Variants in RAB22A observed in about 807,000 individuals in gnomAD.
The protein encoded by RAB22A is RAB22A, member RAS oncogene family.
RAB22A carries 13 observed loss-of-function variants against 30.2 expected under a neutral mutation model. That is an observed-to-expected ratio of 0.43 (90% confidence interval 0.28 to 0.68). The LOEUF is 0.68. RAB22A is among the 30% of genes least tolerant of loss of function. RAB22A has a pLI of 0.18. For missense variants in RAB22A, 177 were observed against 246.8 expected, an observed-to-expected ratio of 0.72 and a Z score of 1.89; for synonymous variants, 89 against 87.2, an observed-to-expected ratio of 1.02 and a Z score of -0.11.
intron 2 of RAB22A, among the ~76,000 whole-genome samples, chr20:58,340,476 T>TC (rs1343082651): frequency 1.3e-5 from 2 of 152,190 alleles, no homozygotes; most frequent in Non-Finnish European, 2.9e-5. Flanking sequence ...ACTTCTCACT[T>TC]CATGCTTCAG....
chr20:58,311,232 C>G (rs1322893673), intron 2 of RAB22A, 110 bp downstream of exon 2: 2 of 1,013,840 alleles, frequency 2.0e-6, no homozygotes, highest in Non-Finnish European at 3.1e-6. Context: ...AATTCTGAGT[C>G]GCTGGTTCGC....
In RAB22A at chr20:58,364,647, C is replaced by T. The variant is rs1251834332; in HGVS notation, c.*4944C>T. 6.6e-6 allele frequency: 1 copy of T among 151,530 alleles called. No homozygotes were observed. The highest frequency in any genetic ancestry group is 2.4e-5 in the African/African-American group (1 of 41,244). The allele number at this position is 151,530 out of a possible 1,614,324, so 9.4% of individuals were successfully genotyped here. ...TCCACAAAATGCATCATAATTGAAACAACAAAATTATTTTCATGAGCAAGA... is the reference window on the plus strand; with the variant it reads ...TCCACAAAATGCATCATAATTGAAATAACAAAATTATTTTCATGAGCAAGA... On this transcript the variant is annotated 3_prime_UTR_variant, in exon 7 of 7. Coordinates refer to ENST00000244040, the MANE Select transcript of RAB22A (RefSeq NM_020673.3).
intron 6 of RAB22A, among the ~76,000 whole-genome samples, chr20:58,355,717 G>A (rs1415139557): frequency 6.6e-6 from 1 of 152,134 alleles, no homozygotes; most frequent in African/African-American, 2.4e-5. Context: ...CCAGCCACTC[G>A]GGAAGCTGAG....
chr20:58,330,641 C>T (rs1251277981), intron 2 of RAB22A, among the ~76,000 whole-genome samples: 4 of 152,198 alleles, frequency 2.6e-5, no homozygotes, highest in Admixed American at 2.6e-4. Flanking sequence ...TTCATCTTAA[C>T]ACTTTGTTCA....
Position 58,365,375 on chromosome 20 carries a change from C to G in RAB22A, c.*5672C>G, listed in dbSNP as rs1476149294. ...CACTGGCATGAGTAGTCCCTGTGCC[C>G]ATGCCCATGGTGGTGCTTGACTTTG... On this transcript the variant is annotated 3_prime_UTR_variant, in exon 7 of 7. Coordinates refer to ENST00000244040, the MANE Select transcript of RAB22A (RefSeq NM_020673.3). 1.3e-5 allele frequency: 2 copies of G among 152,244 alleles called. No individual in the cohort carries two copies. The highest frequency in any genetic ancestry group is 2.9e-5 in the Non-Finnish European group (2 of 68,064). The allele number at this position is 152,244 out of a possible 1,614,324, so 9.4% of individuals were successfully genotyped here.
At chr20:58,336,633 T>C (rs755949429) in intron 2 of RAB22A, among the ~76,000 whole-genome samples, 1 of 152,218 alleles carries the variant, frequency 6.6e-6, no homozygotes, top group African/African-American at 2.4e-5. Flanking sequence ...TTTTGAAATA[T>C]TCAGTAGTAA....
chr20:58,330,503 A>G (rs1986644463), intron 2 of RAB22A, among the ~76,000 whole-genome samples: 1 of 150,248 alleles, frequency 6.7e-6, no homozygotes, highest in African/African-American at 2.5e-5. Context: ...GTAGTTTTTT[A>G]TATTGTACTG....
rs1282500520 is a variant in RAB22A at position 58,324,909 on chromosome 20, C to A, written c.116+13787C>A. Among the ~76,000 whole-genome samples the A allele has an allele frequency of 2.8e-5, 4 of 140,878 alleles. No homozygotes were observed. In the East Asian group the frequency reaches 8.2e-4, roughly 29 times the overall value. The allele number at this position is 140,878 out of a possible 152,430, so 92.4% of individuals were successfully genotyped here. ...AAAAACTGTACGCCAGGCCCGGTGG[C>A]TCACACCTGTAATCCCAGCACTTTG... is the stretch of plus-strand genomic sequence containing the variant. On this transcript the variant is annotated intron_variant, in intron 2 of 6. Coordinates refer to ENST00000244040, the MANE Select transcript of RAB22A (RefSeq NM_020673.3).
intron 3 of RAB22A, 114 bp from the exon 4 acceptor site, chr20:58,353,159 C>CT (rs146846981): frequency 0.028 from 27,596 of 994,758 alleles, 1,025 homozygotes; most frequent in African/African-American, 0.15. Context: ...ATGTCATTTT[C>CT]TTGGCTTAAG....
chr20:58,311,588 G>GT (rs1463047622), intron 2 of RAB22A, among the ~76,000 whole-genome samples: 2 of 152,128 alleles, frequency 1.3e-5, no homozygotes, highest in Admixed American at 1.3e-4. Context: ...GAAATGGAAG[G>GT]TTTTTTCAGT....
rs1600747347 is a variant in RAB22A at position 58,362,886 on chromosome 20, C to T, written c.*3183C>T. 6.6e-6 allele frequency: 1 copy of T among 152,176 alleles called. No individual in the cohort carries two copies. The highest frequency in any genetic ancestry group is 1.5e-5 in the Non-Finnish European group (1 of 68,040). 9.4% of individuals were successfully genotyped at this position (152,176 alleles called of 1,614,324 possible). A position where few individuals can be genotyped will look rare whatever the true frequency, so the allele number is the denominator to read the frequency against. Reference sequence around the variant, plus strand: ...TTTGTGTGAGAGGCTTGAGCGCCTCCTCTATGTGGGCTGGTGTCCTTCTTG... The same window carrying T: ...TTTGTGTGAGAGGCTTGAGCGCCTCTTCTATGTGGGCTGGTGTCCTTCTTG... On this transcript the variant is annotated 3_prime_UTR_variant, in exon 7 of 7. Coordinates refer to ENST00000244040, the MANE Select transcript of RAB22A (RefSeq NM_020673.3).
chr20:58,346,937 C>CAT (rs1448758238), intron 3 of RAB22A, among the ~76,000 whole-genome samples: 1 of 152,230 alleles, frequency 6.6e-6, no homozygotes, highest in African/African-American at 2.4e-5. Context: ...GGACTGCCTT[C>CAT]ATATCTCTGC....
intron 2 of RAB22A, among the ~76,000 whole-genome samples, chr20:58,337,063 C>G (rs976108398): frequency 6.6e-6 from 1 of 152,178 alleles, no homozygotes; most frequent in African/African-American, 2.4e-5. Context: ...TGAAGGCTTT[C>G]CTGATGCATT....
At chr20:58,325,051 C>T (rs1986539398) in intron 2 of RAB22A, among the ~76,000 whole-genome samples, 1 of 142,606 alleles carries the variant, frequency 7.0e-6, no homozygotes, top group African/African-American at 2.6e-5. Context: ...GGTGCGTGCG[C>T]CTGTAGTCCC....
chr20:58,363,465 G>C lies in RAB22A; in HGVS notation c.*3762G>C, dbSNP rs1401099100. 1.3e-5 allele frequency: 2 copies of C among 152,152 alleles called. No individual in the cohort carries two copies. The highest frequency in any genetic ancestry group is 6.5e-5 in the Admixed American group (1 of 15,268). 9.4% of individuals were successfully genotyped at this position (152,152 alleles called of 1,614,324 possible). A position where few individuals can be genotyped will look rare whatever the true frequency, so the allele number is the denominator to read the frequency against. The stretch of plus-strand genomic sequence containing the variant: ...AAAAATTATTGGAAATTCCTTAACT[G>C]AGCTATACTTGGTACTTGCTCTAGA... On this transcript the variant is annotated 3_prime_UTR_variant, in exon 7 of 7. Coordinates refer to ENST00000244040, the MANE Select transcript of RAB22A (RefSeq NM_020673.3).
At chr20:58,314,886 A>G (rs11699178) in intron 2 of RAB22A, among the ~76,000 whole-genome samples, 2 of 151,944 alleles carry the variant, frequency 1.3e-5, no homozygotes, top group Admixed American at 6.6e-5. Flanking sequence ...ATGGAAGTGA[A>G]GTAGTTGGTG....
chr20:58,310,916 C>A, intron 1 of RAB22A, 127 bp from the exon 2 acceptor site: 1 of 747,260 alleles, frequency 1.3e-6, no homozygotes. Context: ...CTTTTGTGTT[C>A]CTCCGTTTAT....
Position 58,363,511 on chromosome 20 carries a change from T to G in RAB22A, c.*3808T>G, listed in dbSNP as rs1454073041. ...CTAGAACATTTGGGAAATGACAAAC[T>G]CAGGCTGGCTCTCCTCTCTAACCTC... is the stretch of plus-strand genomic sequence containing the variant. On this transcript the variant is annotated 3_prime_UTR_variant, in exon 7 of 7. Transcript: ENST00000244040. 6.6e-6 allele frequency: 1 copy of G among 152,214 alleles called. No individual in the cohort carries two copies. Among genetic ancestry groups the G allele is most frequent in the East Asian group, 1.9e-4 (1 of 5,196 alleles). The allele number at this position is 152,214 out of a possible 1,614,324, so 9.4% of individuals were successfully genotyped here.
At chr20:58,310,151 C>A in intron 1 of RAB22A, 139 bp downstream of exon 1, 1 of 898,792 alleles carries the variant, frequency 1.1e-6, no homozygotes, top group Non-Finnish European at 1.5e-6. Flanking sequence ...CTCCCTCCAG[C>A]TCGGGAGCCG....
Sources: allele counts gnomAD v4.1 joint callset (sites outside exome capture counted in the v4.1 genomes callset), GRCh38; gene constraint gnomAD v4.1.1; transcripts MANE v1.5; gene names NCBI Gene and HGNC (gene_info 2026-07-23, HGNC 2026-07-21).